The following NOTCH2 variants were observed in gnomAD, a reference collection of about 807,000 sequenced individuals.
NOTCH2 encodes the protein neurogenic locus notch homolog protein 2.
NOTCH2 carries 29 observed loss-of-function variants against 235.8 expected under a neutral mutation model. The observed-to-expected ratio is 0.12, with a 90% CI of 0.09 to 0.17. The LOEUF (loss-of-function observed/expected upper bound fraction) is 0.17. Among genes scored for constraint, NOTCH2 ranks in the 10% least tolerant of loss-of-function variants. The pLI, the probability that NOTCH2 is intolerant of heterozygous loss-of-function variation, is 1.00. For missense variants in NOTCH2, 2,285 were observed against 3,150.2 expected (o/e 0.73, Z 6.57); for synonymous variants, 1,086 against 1,141.5 (o/e 0.95, Z 0.98).
chr1:120,025,987 A>C (rs327196), intron 2 of NOTCH2, among the ~76,000 whole-genome samples: 1 of 120,996 alleles, frequency 8.3e-6, no homozygotes, highest in African/African-American at 4.0e-5. Flanking sequence ...GTAGTGAGAC[A>C]GCTTTATTAA....
chr1:120,065,348 A>G lies in NOTCH2; in HGVS notation c.73+3986T>C, dbSNP rs587770726. Among the ~76,000 whole-genome samples the G allele has an allele frequency of 9.4e-4, 143 of 152,360 alleles. 1 individual carries two copies. The highest frequency in any genetic ancestry group is 3.3e-3 in the African/African-American group (137 of 41,590). ...CTATTAGATACCAAGGCATCATGCC[A>G]GGTACAGGGGTAGGGTATGGGCATT... On this transcript the variant is annotated intron_variant, in intron 1 of 33. Coordinates refer to ENST00000256646, the MANE Select transcript of NOTCH2 (RefSeq NM_024408.4).
rs1649028943 is a variant in NOTCH2, at chr1:119,915,423, A to G, written c.7299T>C (p.Ala2433=). 1 of 1,614,050 alleles carries G rather than the reference A, an allele frequency of 6.2e-7. No individual in the cohort carries two copies. The highest frequency in any genetic ancestry group is 8.5e-7 in the Non-Finnish European group (1 of 1,180,030). Residue 2433 remains alanine, a synonymous_variant, in exon 34 of 34, where the codon GCT becomes GCC. Transcript: ENST00000256646. ...DQWSSSSPHS[A]SDWSDVTTSP... ...TGGTGGTCACATCTGACCAGTCAGA[A>G]GCAGAGTGGGGTGATGAACTTGACC...
intron 1 of NOTCH2, among the ~76,000 whole-genome samples, chr1:120,047,576 C>T (rs1353092264): frequency 3.8e-5 from 4 of 105,942 alleles, no homozygotes; most frequent in Non-Finnish European, 5.4e-5. Context: ...CCCGGCTACT[C>T]GGGAGGCTAA....
chr1:120,010,788 C>T (rs587608510), intron 2 of NOTCH2, among the ~76,000 whole-genome samples: 1 of 152,098 alleles, frequency 6.6e-6, no homozygotes, highest in Non-Finnish European at 1.5e-5. Context: ...GGTATATACC[C>T]GAGATAACTG....
intron 11 of NOTCH2, among the ~76,000 whole-genome samples, chr1:119,961,301 C>T (rs1007150639): frequency 6.6e-6 from 1 of 152,052 alleles, no homozygotes; most frequent in Non-Finnish European, 1.5e-5. Flanking sequence ...GAGTGGATAC[C>T]TTTAGGAGAT....
chr1:119,926,739 T>G, intron 23 of NOTCH2, 128 bp from the exon 24 acceptor site: 1 of 737,196 alleles, frequency 1.4e-6, no homozygotes, highest in Non-Finnish European at 2.4e-6. Context: ...GTTCTAGGCC[T>G]GTGGTAATCT....
intron 2 of NOTCH2, among the ~76,000 whole-genome samples, chr1:120,014,989 A>G (rs1183026546): frequency 4.5e-5 from 2 of 44,474 alleles, no homozygotes; most frequent in African/African-American, 9.9e-5. Flanking sequence ...CTCTGTCTTT[A>G]GCTTTTTTTT....
chr1:119,916,392 A>T lies in NOTCH2; in HGVS notation c.6330T>A (p.Ser2110Arg), dbSNP rs1360175516. Residue 2110 changes from serine to arginine, a missense_variant, in exon 34 of 34, where the codon AGT becomes AGA. Transcript: ENST00000256646. ...GGTTAGGGAGGCTAGTAGGCATGGT[A>T]CTCTTGGCACTGGGCCGTCTAGACT... ...GKKSRRPSAK[S>R]TMPTSLPNLA... The T allele has an allele frequency of 6.2e-7, 1 of 1,613,992 alleles. No homozygotes were observed.
At chr1:119,977,885 C>A (rs1438127718) in intron 5 of NOTCH2, among the ~76,000 whole-genome samples, 1 of 152,142 alleles carries the variant, frequency 6.6e-6, no homozygotes, top group African/African-American at 2.4e-5. Flanking sequence ...TACACACACA[C>A]GCACACAAAC....
At chr1:119,970,824 G>A (rs10494234) in intron 5 of NOTCH2, among the ~76,000 whole-genome samples, 7,677 of 152,256 alleles carry the variant, frequency 0.05, 305 homozygotes, top group South Asian at 0.11. Context: ...TAGATCATCC[G>A]AATTCTCTAA....
At chr1:120,035,385 G>A (rs2691723) in intron 1 of NOTCH2, among the ~76,000 whole-genome samples, 128 of 149,740 alleles carry the variant, frequency 8.5e-4, no homozygotes, top group Admixed American at 3.4e-3. Flanking sequence ...TTACTTTAAC[G>A]AGTCTAGGCT....
At chr1:119,998,030 T>C (rs1652541839) in intron 3 of NOTCH2, among the ~76,000 whole-genome samples, 1 of 145,800 alleles carries the variant, frequency 6.9e-6, no homozygotes, top group East Asian at 2.0e-4. Context: ...ACTCTCCCTA[T>C]CTTGGCAACT....
rs1324498034 is a variant in NOTCH2 at position 119,926,485 on chromosome 1, A to G, written c.4005+14T>C. The G allele has an allele frequency of 1.0e-5, 16 of 1,569,170 alleles. No individual in the cohort carries two copies. Among genetic ancestry groups the G allele is most frequent in the Non-Finnish European group, 1.3e-5 (15 of 1,145,752 alleles). On this transcript the variant is annotated intron_variant, in intron 24 of 33. Coordinates refer to ENST00000256646, the MANE Select transcript of NOTCH2 (RefSeq NM_024408.4). ...AGACAATGCCCCTTCTTAGATGAGC[A>G]ACAGGGCACTTACCGGGGGACAACG...
intron 22 of NOTCH2, 147 bp from the exon 23 acceptor site, chr1:119,929,359 G>C: frequency 1.4e-6 from 1 of 714,808 alleles, no homozygotes; most frequent in Admixed American, 2.0e-5. Flanking sequence ...GCAGGGCAAA[G>C]CACACTCTTT....
Position 119,912,734 on chromosome 1 carries a change from C to T in NOTCH2, c.*2572G>A. 4.3e-6 allele frequency: 1 copy of T among 233,506 alleles called. No homozygotes were observed. The highest frequency in any genetic ancestry group is 2.2e-5 in the African/African-American group (1 of 45,430). The allele number at this position is 233,506 out of a possible 1,614,324, so 14.5% of individuals were successfully genotyped here. ...TAAAAACTGAGTCTCCAATTCAGAA[C>T]CCAAATGAGAAAGTGATTATCCATC... On this transcript the variant is annotated 3_prime_UTR_variant, in exon 34 of 34. Coordinates refer to ENST00000256646, the MANE Select transcript of NOTCH2 (RefSeq NM_024408.4).
At chr1:120,007,799 CTT>C (rs1308593748) in intron 2 of NOTCH2, among the ~76,000 whole-genome samples, 1 of 149,862 alleles carries the variant, frequency 6.7e-6, no homozygotes, top group African/African-American at 2.5e-5. Context: ...AGAATAGTTT[CTT>C]GTGTTGGTTT....
intron 1 of NOTCH2, among the ~76,000 whole-genome samples, chr1:120,065,759 G>T (rs1655481734): frequency 6.6e-6 from 1 of 152,184 alleles, no homozygotes; most frequent in Non-Finnish European, 1.5e-5. Context: ...CAAGTCATTT[G>T]CAGAGAAAGG....
intron 31 of NOTCH2, 84 bp downstream of exon 31, chr1:119,919,228 A>G (rs1019602007): frequency 3.7e-6 from 5 of 1,338,096 alleles, no homozygotes; most frequent in Non-Finnish European, 5.3e-6. Context: ...AATAAATTCA[A>G]TGAGATATTA....
At chr1:120,060,122 ACTG>A (rs1378888529) in intron 1 of NOTCH2, among the ~76,000 whole-genome samples, 5 of 149,514 alleles carry the variant, frequency 3.3e-5, no homozygotes, top group African/African-American at 1.2e-4. Context: ...TATGTTATAT[ACTG>A]CTAATTATTT....
Sources: allele counts gnomAD v4.1 joint callset (sites outside exome capture counted in the v4.1 genomes callset), GRCh38; gene constraint gnomAD v4.1.1; transcripts MANE v1.5; gene names NCBI Gene and HGNC (gene_info 2026-07-23, HGNC 2026-07-21).